CCN4: variants seen among roughly 807,000 people sequenced by gnomAD.
CCN4 encodes the protein CCN family member 4.
Under a neutral mutation model 36.7 loss-of-function variants are expected in CCN4, and 30 were observed. The observed-to-expected ratio is 0.82, with a 90% CI of 0.61 to 1.11. The LOEUF (loss-of-function observed/expected upper bound fraction) is 1.11. Among genes scored for constraint, CCN4 ranks in the 50% least tolerant of loss-of-function variants. The pLI, the probability that CCN4 is intolerant of heterozygous loss-of-function variation, is 0.00. For missense variants in CCN4, 505 were observed against 504.9 expected, an observed-to-expected ratio of 1.00 and a Z score of 0.00; for synonymous variants, 191 against 195.4, an observed-to-expected ratio of 0.98 and a Z score of 0.19.
At chr8:133,219,370 C>G (rs758188599) in intron 2 of CCN4, among the ~76,000 whole-genome samples, 14 of 152,124 alleles carry the variant, frequency 9.2e-5, no homozygotes, top group Non-Finnish European at 1.9e-4. Flanking sequence ...CTGGAAAGCT[C>G]CTCCCCCAAC....
intron 1 of CCN4, among the ~76,000 whole-genome samples, chr8:133,211,733 C>A (rs764192429): frequency 6.6e-6 from 1 of 152,188 alleles, no homozygotes; most frequent in African/African-American, 2.4e-5. Flanking sequence ...AGAACTCAGC[C>A]GTCAAGGACG....
rs369774226 is a variant in CCN4, at chr8:133,218,996, TC to T, written c.350-1584del. On this transcript the variant is annotated intron_variant, in intron 2 of 4. Transcript: ENST00000250160. The stretch of plus-strand genomic sequence containing the variant: ...AAGTCCTGGCAGCTCTCCTTCCAAA[TC>T]TGTCTGGAAGCCGAGCTCTTCTCTT... 8.1e-3 allele frequency among the ~76,000 whole-genome samples: 1,240 copies of T among 152,158 alleles called. 18 individuals carry two copies. The highest frequency in any genetic ancestry group is 0.028 in the African/African-American group (1,169 of 41,496).
intron 1 of CCN4, among the ~76,000 whole-genome samples, chr8:133,208,809 GC>G (rs1200716524): frequency 1.3e-5 from 2 of 152,128 alleles, no homozygotes; most frequent in African/African-American, 4.8e-5. Context: ...CATCCCACAG[GC>G]AGGTCTGCTT....
At chr8:133,195,404 T>C (rs1853342684) in intron 1 of CCN4, among the ~76,000 whole-genome samples, 3 of 151,856 alleles carry the variant, frequency 2.0e-5, no homozygotes, top group South Asian at 4.1e-4. Context: ...ATAATGTGGG[T>C]CAAGTGTATG....
intron 1 of CCN4, among the ~76,000 whole-genome samples, chr8:133,199,237 C>T (rs1165957133): frequency 6.6e-6 from 1 of 152,212 alleles, no homozygotes; most frequent in Admixed American, 6.5e-5. Flanking sequence ...CTGCCTGCAT[C>T]TCTGAGCCTC....
At position 133,227,557 on chromosome 8, in the gene CCN4, T is replaced by C; in HGVS notation, c.951T>C (p.Thr317=). 6.2e-7 allele frequency: 1 copy of C among 1,614,242 alleles called. No homozygotes were observed. Among genetic ancestry groups the C allele is most frequent in the Non-Finnish European group, 8.5e-7 (1 of 1,180,048 alleles). ...GCTGCATCCCCTACAAGTCTAAGAC[T>C]ATCGACGTGTCCTTCCAGTGTCCTG... is the stretch of plus-strand genomic sequence containing the variant. ...NRCCIPYKSK[T]IDVSFQCPDG... The change falls in exon 5 of 5, where the codon ACT becomes ACC. Residue 317 remains threonine, a synonymous_variant. Coordinates refer to ENST00000250160, the MANE Select transcript of CCN4 (RefSeq NM_003882.4).
At chr8:133,222,603 A>T (rs750247023) in intron 3 of CCN4, among the ~76,000 whole-genome samples, 37 of 151,754 alleles carry the variant, frequency 2.4e-4, no homozygotes, top group Admixed American at 4.6e-4. Context: ...GGGAATGCTG[A>T]CATGTGAAGG....
chr8:133,194,677 TGTGTGTGGTGTGTGTGTGGAGG>T (rs1853281102), intron 1 of CCN4, among the ~76,000 whole-genome samples: 1 of 101,524 alleles, frequency 9.8e-6, no homozygotes, highest in African/African-American at 4.5e-5. Flanking sequence ...GGATGTGGTG[TGTGTGTGGTGTGTGTGTGGAGG>T]GTGTGTGTGG....
At position 133,230,044 on chromosome 8, in the gene CCN4, A is replaced by C. The variant is rs1262214573; in HGVS notation, c.*2334A>C. ...AGAGCTAGGTTCTTACTGAATTTGC[A>C]TCTCAATTTGGGAAACTGAACTTAG... On this transcript the variant is annotated 3_prime_UTR_variant, in exon 5 of 5. Coordinates refer to ENST00000250160, the MANE Select transcript of CCN4 (RefSeq NM_003882.4). 1.3e-5 allele frequency: 2 copies of C among 152,264 alleles called. No individual in the cohort carries two copies. The highest frequency in any genetic ancestry group is 2.9e-5 in the Non-Finnish European group (2 of 68,050). 9.4% of individuals were successfully genotyped at this position (152,264 alleles called of 1,614,324 possible). A position where few individuals can be genotyped will look rare whatever the true frequency, so the allele number is the denominator to read the frequency against.
Position 133,222,115 on chromosome 8 carries a change from TAATG to T in CCN4, c.610+1275_610+1278del, listed in dbSNP as rs3840712. ...ATAGGTGAATGATGGATGGATCAAT[TAATG>T]GATGGATGGATGGAGGATGGATGGA... On this transcript the variant is annotated intron_variant, in intron 3 of 4. Transcript: ENST00000250160. Among the ~76,000 whole-genome samples, 31 of 150,298 alleles carry T rather than the reference TAATG, an allele frequency of 2.1e-4. 1 individual carries two copies. The East Asian group carries it at 6.2e-3, about 30-fold the overall frequency.
At chr8:133,224,149 G>C (rs1218965228) in intron 3 of CCN4, among the ~76,000 whole-genome samples, 4 of 150,500 alleles carry the variant, frequency 2.7e-5, no homozygotes, top group Non-Finnish European at 4.4e-5. Flanking sequence ...GTGTGAGCTA[G>C]CTTATTGGAA....
At chr8:133,205,301 G>T (rs1327283915) in intron 1 of CCN4, among the ~76,000 whole-genome samples, 1 of 152,234 alleles carries the variant, frequency 6.6e-6, no homozygotes, top group Non-Finnish European at 1.5e-5. Flanking sequence ...ACTTTTATGT[G>T]AACATCTGCA....
Position 133,220,771 on chromosome 8 carries a change from T to A in CCN4, c.540T>A (p.Cys180Ter), listed in dbSNP as rs201113527. Reference sequence around the variant, plus strand: ...GCGTGAGCATACCTGGCCACTGCTGTGAGCAGTGGGTATGTGAGGACGACG... The same window carrying A: ...GCGTGAGCATACCTGGCCACTGCTGAGAGCAGTGGGTATGTGAGGACGACG... Reference protein sequence around the residue: ...PRRVSIPGHCCEQWVCEDDAK... With the variant: ...PRRVSIPGHC Residue 180 changes from cysteine to a stop codon, truncating the protein, a stop_gained, in exon 3 of 5, where the codon TGT (cysteine) becomes TGA (stop). Transcript: ENST00000250160. LOFTEE classifies it high-confidence loss of function. 4 of 1,613,228 alleles carry A rather than the reference T, an allele frequency of 2.5e-6. No individual in the cohort carries two copies. Among genetic ancestry groups the A allele is most frequent in the Admixed American group, 3.3e-5 (2 of 60,020 alleles).
Position 133,227,704 on chromosome 8 carries a change from C to T in CCN4, c.1098C>T (p.Ala366=). 2 of 1,611,798 alleles carry T rather than the reference C, an allele frequency of 1.2e-6. No individual in the cohort carries two copies. Among genetic ancestry groups the T allele is most frequent in the South Asian group, 2.2e-5 (2 of 90,910 alleles). Residue 366 remains alanine (A), a synonymous_variant, in exon 5 of 5, where the codon GCC becomes GCT. Coordinates refer to ENST00000250160, the MANE Select transcript of CCN4 (RefSeq NM_003882.4). Reference sequence around the variant, plus strand: ...CCTACCCTGACTTCTCAGAAATTGCCAACTAGGCAGGCACAAATCTTGGGT... The same window carrying T: ...CCTACCCTGACTTCTCAGAAATTGCTAACTAGGCAGGCACAAATCTTGGGT... The part of the protein sequence containing the change: ...LESYPDFSEI[A]N
intron 1 of CCN4, among the ~76,000 whole-genome samples, chr8:133,193,094 G>A (rs1456587108): frequency 2.6e-5 from 4 of 152,226 alleles, no homozygotes; most frequent in Non-Finnish European, 4.4e-5. Flanking sequence ...CCCTGTGTGG[G>A]CTGTGAGACT....
At chr8:133,227,056 C>G (rs1045519668) in intron 4 of CCN4, among the ~76,000 whole-genome samples, 1 of 152,206 alleles carries the variant, frequency 6.6e-6, no homozygotes, top group African/African-American at 2.4e-5. Flanking sequence ...CTGCCACTAG[C>G]TAGCCAGGGG....
rs1157301532 is a variant in CCN4, at chr8:133,191,126, G to C, written c.-19G>C. 3.1e-6 allele frequency: 5 copies of C among 1,605,470 alleles called. No individual in the cohort carries two copies. In the South Asian group the frequency reaches 5.5e-5, roughly 18 times the overall value. ...CCTCTGGGCTGCTCGGTCGATGCCT[G>C]TGCCACTGACGTCCAGGCATGAGGT... On this transcript the variant is annotated 5_prime_UTR_variant, in exon 1 of 5. Coordinates refer to ENST00000250160, the MANE Select transcript of CCN4 (RefSeq NM_003882.4).
chr8:133,210,368 C>T (rs1258825909), intron 1 of CCN4, among the ~76,000 whole-genome samples: 1 of 150,168 alleles, frequency 6.7e-6, no homozygotes, highest in Non-Finnish European at 1.5e-5. Context: ...AATGTCTCTC[C>T]CCAAAGTCAA....
intron 1 of CCN4, among the ~76,000 whole-genome samples, chr8:133,210,549 T>C (rs145056013): frequency 1.3e-5 from 2 of 152,162 alleles, no homozygotes; most frequent in East Asian, 1.9e-4. Context: ...GAGCTCTCTG[T>C]TCCCTACCAG....
Sources: gnomAD v4.1 joint callset for allele counts (sites outside exome capture counted in the v4.1 genomes callset) on GRCh38, gnomAD v4.1.1 for gene constraint, MANE v1.5 for transcripts, NCBI Gene and HGNC (gene_info 2026-07-23, HGNC 2026-07-21) for gene names.